NEBL: variants seen among roughly 807,000 people sequenced by gnomAD.
NEBL encodes LIM and SH3 protein 2.
A neutral mutation model predicts 140.2 loss-of-function variants in NEBL; 122 were observed. The observed-to-expected ratio is 0.87, with a 90% CI of 0.75 to 1.01. The LOEUF is 1.01. NEBL is among the 50% of genes least tolerant of loss of function. The probability of loss-of-function intolerance (pLI) is 0.00; values close to 1 mark genes in which losing one functional copy is unlikely to be tolerated. For synonymous variants in NEBL, 436 were observed against 398.9 expected (o/e 1.09, Z -1.11); for missense variants, 1,365 against 1,231.3 (o/e 1.11, Z -1.62).
At chr10:21,083,921 G>A (rs1182196101) in intron 2 of NEBL, among the ~76,000 whole-genome samples, 1 of 152,222 alleles carries the variant, frequency 6.6e-6, no homozygotes, top group Admixed American at 6.5e-5. Flanking sequence ...CATCCTTCCA[G>A]AGGCAGCGTA....
At chr10:20,794,882 A>C (rs114452742) in intron 26 of NEBL, among the ~76,000 whole-genome samples, 1 of 152,258 alleles carries the variant, frequency 6.6e-6, no homozygotes, top group African/African-American at 2.4e-5. Flanking sequence ...TGCGCTTAGG[A>C]TGTCACATGC....
At chr10:20,931,343 G>A (rs1348733697) in intron 4 of NEBL, among the ~76,000 whole-genome samples, 1 of 152,156 alleles carries the variant, frequency 6.6e-6, no homozygotes, top group Non-Finnish European at 1.5e-5. Context: ...TTCTTGGCCT[G>A]CCATAAACTG....
intron 3 of NEBL, among the ~76,000 whole-genome samples, chr10:21,237,462 C>A (rs1842371539): frequency 6.6e-6 from 1 of 152,170 alleles, no homozygotes; most frequent in African/African-American, 2.4e-5. Flanking sequence ...ACTTCAGCCT[C>A]CCAAAGTGCT....
At chr10:21,067,224 G>A (rs577397914) in intron 2 of NEBL, among the ~76,000 whole-genome samples, 19 of 152,132 alleles carry the variant, frequency 1.2e-4, no homozygotes, top group Admixed American at 3.9e-4. Flanking sequence ...GCCCACCTCG[G>A]CCTCCCAAAG....
chr10:21,224,178 T>C (rs529090952), intron 3 of NEBL, among the ~76,000 whole-genome samples: 1 of 152,356 alleles, frequency 6.6e-6, no homozygotes, highest in African/African-American at 2.4e-5. Flanking sequence ...TCCATTTTGA[T>C]TTGATTTTTG....
At chr10:21,037,264 G>T (rs1834051428) in intron 2 of NEBL, among the ~76,000 whole-genome samples, 1 of 151,898 alleles carries the variant, frequency 6.6e-6, no homozygotes, top group South Asian at 2.1e-4. Context: ...ATGAGGGTGG[G>T]GGTGGAGGGG....
intron 26 of NEBL, 71 bp downstream of exon 26, chr10:20,808,439 T>C (rs1837810000): frequency 1.3e-6 from 2 of 1,514,796 alleles, no homozygotes; most frequent in African/African-American, 1.4e-5. Flanking sequence ...GTGAAAAGAA[T>C]TTTAAAGACA....
chr10:21,194,394 G>A (rs779443467), intron 3 of NEBL, among the ~76,000 whole-genome samples: 19 of 152,026 alleles, frequency 1.2e-4, no homozygotes, highest in Non-Finnish European at 2.2e-4. Context: ...AGCAAGCCAC[G>A]TAACTGTTTA....
intron 2 of NEBL, among the ~76,000 whole-genome samples, chr10:21,027,014 G>A (rs1461494126): frequency 6.6e-6 from 1 of 152,204 alleles, no homozygotes; most frequent in African/African-American, 2.4e-5. Flanking sequence ...ACAATTCATT[G>A]CTGGAGGAGT....
chr10:20,868,701 A>G lies in NEBL; in HGVS notation c.647T>C (p.Phe216Ser), dbSNP rs1844583506. 1.2e-6 allele frequency: 2 copies of G among 1,613,028 alleles called. No homozygotes were observed. Among genetic ancestry groups the G allele is most frequent in the Non-Finnish European group, 1.7e-6 (2 of 1,179,128 alleles). The change falls in exon 7 of 28, where the codon TTT (phenylalanine) becomes TCT (serine). Residue 216 changes from phenylalanine (F) to serine (S), a missense_variant. Physicochemically the swap from Phe to Ser is radical, Grantham distance 155. Transcript: ENST00000377122. ...TTTAGAAGCTTCCACGGCATGTTCA[A>G]AATCTGGTCTTCCAATTACAGCGGG... ...KEPAVIGRPD[F>S]EHAVEASKLS...
chr10:21,206,890 C>A (rs1014592025), intron 3 of NEBL, among the ~76,000 whole-genome samples: 3 of 150,652 alleles, frequency 2.0e-5, no homozygotes, highest in African/African-American at 7.3e-5. Flanking sequence ...CTAAGTAATT[C>A]TTAAATAAAA....
chr10:21,198,716 C>T (rs1841689270), intron 3 of NEBL, among the ~76,000 whole-genome samples: 1 of 152,142 alleles, frequency 6.6e-6, no homozygotes. Flanking sequence ...CCACTGCCAG[C>T]ACCAGCCACT....
At chr10:21,291,509 A>T (rs1482877194) in intron 1 of NEBL, among the ~76,000 whole-genome samples, 1 of 151,574 alleles carries the variant, frequency 6.6e-6, no homozygotes, top group Admixed American at 6.6e-5. Flanking sequence ...CTGTCTAAAA[A>T]AAAAAAAAAA....
At chr10:21,178,722 G>T (rs1040989047), upstream of NEBL, among the ~76,000 whole-genome samples, 2 of 152,204 alleles carry the variant, frequency 1.3e-5, no homozygotes, top group Non-Finnish European at 2.9e-5. Flanking sequence ...TTCCTTGGTA[G>T]ATGACATATC....
intron 2 of NEBL, among the ~76,000 whole-genome samples, chr10:20,890,579 G>A (rs1476164846): frequency 6.6e-6 from 1 of 152,166 alleles, no homozygotes; most frequent in Non-Finnish European, 1.5e-5. Flanking sequence ...TGCCCAGAAA[G>A]CTTGCTATGT....
At chr10:21,261,623 G>A (rs1360692363) in intron 1 of NEBL, among the ~76,000 whole-genome samples, 3 of 151,286 alleles carry the variant, frequency 2.0e-5, no homozygotes, top group African/African-American at 4.9e-5. Context: ...CACCATCCCA[G>A]GTAACAGAGT....
intron 2 of NEBL, among the ~76,000 whole-genome samples, chr10:21,166,445 G>A (rs550857944): frequency 6.6e-6 from 1 of 152,058 alleles, no homozygotes; most frequent in Non-Finnish European, 1.5e-5. Context: ...GAAAAACTTC[G>A]GTATAAACCT....
At chr10:21,148,194 G>A (rs940953171) in intron 2 of NEBL, among the ~76,000 whole-genome samples, 15 of 152,164 alleles carry the variant, frequency 9.9e-5, no homozygotes, top group South Asian at 2.1e-4. Flanking sequence ...GGAATAACAC[G>A]TGCAAATGTC....
In NEBL at chr10:21,029,654, G is replaced by C. The variant is rs1284036518; in HGVS notation, c.165-9453C>G. ...TACCCGCCTAGAAGGGGTGATGATA[G>C]GTTTGGAGACAAGTATCGAGATCGT... On this transcript the variant is annotated intron_variant, in intron 2 of 6. Coordinates refer to the NEBL transcript ENST00000417816. 2.3e-6 allele frequency: 3 copies of C among 1,279,398 alleles called. No individual in the cohort carries two copies. The East Asian group carries it at 6.9e-5, about 30-fold the overall frequency. 79.3% of individuals were successfully genotyped at this position (1,279,398 alleles called of 1,614,324 possible). A position where few individuals can be genotyped will look rare whatever the true frequency, so the allele number is the denominator to read the frequency against.
Sources: gnomAD v4.1 joint callset for allele counts (sites outside exome capture counted in the v4.1 genomes callset) on GRCh38, gnomAD v4.1.1 for gene constraint, MANE v1.5 for transcripts, NCBI Gene and HGNC (gene_info 2026-07-23, HGNC 2026-07-21) for gene names.